The following LDB2 variants were observed in gnomAD, a reference collection of about 807,000 sequenced individuals.
LDB2 encodes the protein LIM domain binding 2, also known as LIM domain-binding protein 2.
LDB2 carries 12 observed loss-of-function variants against 44.3 expected under a neutral mutation model. That is an observed-to-expected ratio of 0.27 (90% CI 0.17 to 0.44). LDB2 has a LOEUF of 0.44. LDB2 is among the 20% of genes least tolerant of loss of function. The pLI is 1.00. For synonymous variants in LDB2, 164 were observed against 174.8 expected, an observed-to-expected ratio of 0.94 and a Z score of 0.49; for missense variants, 344 against 473.5, an observed-to-expected ratio of 0.73 and a Z score of 2.54.
intron 1 of LDB2, among the ~76,000 whole-genome samples, chr4:16,790,980 T>G (rs1775579032): frequency 1.3e-5 from 2 of 152,168 alleles, no homozygotes; most frequent in South Asian, 2.1e-4. Flanking sequence ...CTTCACACCC[T>G]TTTTGCTCAG....
At chr4:16,514,587 G>A (rs1376987666) in intron 5 of LDB2, among the ~76,000 whole-genome samples, 3 of 152,114 alleles carry the variant, frequency 2.0e-5, no homozygotes, top group Non-Finnish European at 2.9e-5. Context: ...ACTGACCTAA[G>A]CTTGCTTAAA....
intron 2 of LDB2, among the ~76,000 whole-genome samples, chr4:16,733,225 T>A (rs370817389): frequency 2.0e-5 from 3 of 152,086 alleles, no homozygotes; most frequent in South Asian, 4.1e-4. Flanking sequence ...TAGGAATAAA[T>A]AAGATCCAAC....
intron 2 of LDB2, among the ~76,000 whole-genome samples, chr4:16,721,516 C>A (rs1480214726): frequency 6.6e-6 from 1 of 152,058 alleles, no homozygotes; most frequent in Non-Finnish European, 1.5e-5. Flanking sequence ...TTAAAATTAG[C>A]ATCATTTTTT....
chr4:16,847,408 C>G (rs1787249396), intron 1 of LDB2, among the ~76,000 whole-genome samples: 1 of 152,180 alleles, frequency 6.6e-6, no homozygotes, highest in Non-Finnish European at 1.5e-5. Flanking sequence ...AATGTCCAAA[C>G]TCTTATTTTG....
At chr4:16,665,997 T>G (rs1743061002) in intron 2 of LDB2, among the ~76,000 whole-genome samples, 1 of 152,100 alleles carries the variant, frequency 6.6e-6, no homozygotes, top group Non-Finnish European at 1.5e-5. Flanking sequence ...CCTGGAACAA[T>G]CTCCCTCAGA....
intron 2 of LDB2, among the ~76,000 whole-genome samples, chr4:16,608,153 T>C (rs754949616): frequency 6.8e-6 from 1 of 147,972 alleles, no homozygotes; most frequent in African/African-American, 2.5e-5. Context: ...CTTACCATAC[T>C]GTATGTGTGT....
intron 2 of LDB2, among the ~76,000 whole-genome samples, chr4:16,684,139 A>C (rs1424041134): frequency 6.6e-6 from 1 of 152,226 alleles, no homozygotes; most frequent in African/African-American, 2.4e-5. Context: ...ATCACAGTTA[A>C]TGTGATGGGC....
At chr4:16,709,749 C>A (rs1385648120) in intron 2 of LDB2, among the ~76,000 whole-genome samples, 2 of 152,224 alleles carry the variant, frequency 1.3e-5, no homozygotes, top group East Asian at 3.9e-4. Context: ...GAAGAATTTT[C>A]AATTTCTTCT....
intron 2 of LDB2, among the ~76,000 whole-genome samples, chr4:16,632,817 G>A (rs1732383753): frequency 6.6e-6 from 1 of 152,108 alleles, no homozygotes; most frequent in African/African-American, 2.4e-5. Context: ...GGAGAAATAG[G>A]AACACTTTTA....
intron 2 of LDB2, among the ~76,000 whole-genome samples, chr4:16,747,888 T>G (rs1579297963): frequency 6.6e-6 from 1 of 152,222 alleles, no homozygotes; most frequent in East Asian, 1.9e-4. Flanking sequence ...GTTTTTTCAT[T>G]GTTTTCAGTG....
intron 2 of LDB2, among the ~76,000 whole-genome samples, chr4:16,628,419 G>T (rs1165839494): frequency 6.6e-6 from 1 of 152,144 alleles, no homozygotes; most frequent in East Asian, 1.9e-4. Flanking sequence ...GAGGGCCCTG[G>T]ACTGAAGGTA....
chr4:16,801,799 C>T (rs1163580186), intron 1 of LDB2, among the ~76,000 whole-genome samples: 1 of 152,066 alleles, frequency 6.6e-6, no homozygotes, highest in Non-Finnish European at 1.5e-5. Flanking sequence ...ATGCTTGACC[C>T]CCACCCACCC....
chr4:16,568,424 G>C (rs1745305493), intron 5 of LDB2, among the ~76,000 whole-genome samples: 1 of 152,148 alleles, frequency 6.6e-6, no homozygotes, highest in Non-Finnish European at 1.5e-5. Flanking sequence ...GTAAGTGAGG[G>C]ATGTCTGTTT....
chr4:16,754,497 T>G (rs1032649162), intron 2 of LDB2, among the ~76,000 whole-genome samples: 1 of 152,152 alleles, frequency 6.6e-6, no homozygotes, highest in Non-Finnish European at 1.5e-5. Context: ...AACATCTCAT[T>G]TAATTTTCAC....
At chr4:16,786,911 T>A (rs916097334) in intron 1 of LDB2, among the ~76,000 whole-genome samples, 1 of 152,118 alleles carries the variant, frequency 6.6e-6, no homozygotes, top group Non-Finnish European at 1.5e-5. Context: ...CCGGTGGAGT[T>A]AGACACAGTA....
intron 1 of LDB2, among the ~76,000 whole-genome samples, chr4:16,821,195 C>T (rs1781898149): frequency 1.3e-5 from 2 of 152,176 alleles, no homozygotes; most frequent in African/African-American, 2.4e-5. Flanking sequence ...ATCATTCCCA[C>T]TCAATCTAAA....
chr4:16,893,958 T>G (rs1404617421), intron 1 of LDB2, among the ~76,000 whole-genome samples: 1 of 152,174 alleles, frequency 6.6e-6, no homozygotes, highest in Non-Finnish European at 1.5e-5. Context: ...TTCTTAAATT[T>G]TATAATAATC....
intron 2 of LDB2, among the ~76,000 whole-genome samples, chr4:16,654,315 G>C (rs1739138231): frequency 6.6e-6 from 1 of 152,088 alleles, no homozygotes. Context: ...TGCAGAATAG[G>C]TCATTGCAAG....
chr4:16,550,833 C>T (rs915511182), intron 5 of LDB2, among the ~76,000 whole-genome samples: 6 of 152,118 alleles, frequency 3.9e-5, no homozygotes, highest in Admixed American at 2.0e-4. Context: ...TTTATAATAG[C>T]AATAAAATTG....
Sources: gnomAD v4.1 joint callset for allele counts (sites outside exome capture counted in the v4.1 genomes callset) on GRCh38, gnomAD v4.1.1 for gene constraint, MANE v1.5 for transcripts, NCBI Gene and HGNC (gene_info 2026-07-23, HGNC 2026-07-21) for gene names.